Variants in COPG2 observed in about 807,000 individuals in gnomAD.
The protein encoded by COPG2 is coat protein complex I subunit gamma 2.
A neutral mutation model predicts 46.3 loss-of-function variants in COPG2; 37 were observed. The observed-to-expected ratio is 0.80, with a 90% confidence interval of 0.61 to 1.05. The LOEUF is 1.05. Ranked by LOEUF, COPG2 falls within the 50% of genes least tolerant of loss-of-function variation. The probability of loss-of-function intolerance (pLI) is 0.00; values close to 1 mark genes in which losing one functional copy is unlikely to be tolerated. For missense variants in COPG2, 427 were observed against 387.8 expected, an observed-to-expected ratio of 1.10 and a Z score of -0.85; for synonymous variants, 159 against 129.7, an observed-to-expected ratio of 1.23 and a Z score of -1.53.
At chr7:130,630,855 A>G (rs920007016) in intron 5 of COPG2, among the ~76,000 whole-genome samples, 2 of 152,188 alleles carry the variant, frequency 1.3e-5, no homozygotes, top group Admixed American at 1.3e-4. Context: ...TTTTATAGGC[A>G]GCATAAAGTT....
At chr7:130,632,898 C>T (rs533893696) in intron 5 of COPG2, among the ~76,000 whole-genome samples, 7 of 152,176 alleles carry the variant, frequency 4.6e-5, no homozygotes, top group African/African-American at 1.4e-4. Context: ...TCCTCTAGCC[C>T]CCCACCCCGA....
At chr7:130,575,396 C>G (rs1251720687) in intron 9 of COPG2, among the ~76,000 whole-genome samples, 1 of 152,146 alleles carries the variant, frequency 6.6e-6, no homozygotes, top group Non-Finnish European at 1.5e-5. Context: ...TGGGTCCTAT[C>G]TTCAGTCTCC....
chr7:130,523,209 C>T (rs1327880036), intron 20 of COPG2, among the ~76,000 whole-genome samples: 1 of 149,534 alleles, frequency 6.7e-6, no homozygotes, highest in Non-Finnish European at 1.5e-5. Context: ...GGTGGCTGTC[C>T]ACATCAGTGA....
intron 5 of COPG2, among the ~76,000 whole-genome samples, chr7:130,644,988 G>C (rs550908567): frequency 6.6e-6 from 1 of 151,400 alleles, no homozygotes; most frequent in East Asian, 1.9e-4. Context: ...CTTGAACCCA[G>C]GAGGCAGAGA....
At chr7:130,532,230 G>A (rs1799833473) in intron 20 of COPG2, among the ~76,000 whole-genome samples, 1 of 152,196 alleles carries the variant, frequency 6.6e-6, no homozygotes, top group Non-Finnish European at 1.5e-5. Flanking sequence ...AAAGGCAATG[G>A]GACCACGGTG....
At position 130,586,234 on chromosome 7, in the gene COPG2, G is replaced by T. The variant is rs189289121; in HGVS notation, c.738-21841C>A. ...ACTCAGGAATTGAAAACCAAACATT[G>T]TATGTTCTCACTTAAATTAGGAGCT... On this transcript the variant is annotated intron_variant, in intron 9 of 23. Transcript: ENST00000425248. 6.1e-4 allele frequency among the ~76,000 whole-genome samples: 93 copies of T among 152,084 alleles called. 1 individual carries two copies. The highest frequency in any genetic ancestry group is 3.5e-3 in the Admixed American group (54 of 15,236).
At chr7:130,544,957 A>G (rs1392144692) in intron 20 of COPG2, among the ~76,000 whole-genome samples, 2 of 152,274 alleles carry the variant, frequency 1.3e-5, no homozygotes, top group East Asian at 3.9e-4. Context: ...ATTTTTATAC[A>G]TTTATAAAGT....
intron 5 of COPG2, among the ~76,000 whole-genome samples, chr7:130,636,291 C>T (rs1160376593): frequency 3.3e-5 from 5 of 152,080 alleles, no homozygotes. Context: ...CTGTCTAATA[C>T]TGACAGTGGG....
At chr7:130,634,461 G>T (rs1248940011) in intron 5 of COPG2, among the ~76,000 whole-genome samples, 3 of 152,016 alleles carry the variant, frequency 2.0e-5, no homozygotes, top group African/African-American at 7.2e-5. Context: ...GAATTCCTAG[G>T]TATTTTATTC....
At chr7:130,637,361 A>G (rs1795360924) in intron 5 of COPG2, among the ~76,000 whole-genome samples, 1 of 152,200 alleles carries the variant, frequency 6.6e-6, no homozygotes, top group Non-Finnish European at 1.5e-5. Flanking sequence ...CAGGTACGCC[A>G]ATCAAACGTA....
At chr7:130,518,899 G>A (rs1489035977) in intron 20 of COPG2, among the ~76,000 whole-genome samples, 17 of 151,854 alleles carry the variant, frequency 1.1e-4, no homozygotes, top group South Asian at 2.1e-4. Context: ...CCAGCTACTC[G>A]GGAGGCTGAG....
chr7:130,516,609 T>C (rs1799680384), intron 20 of COPG2, among the ~76,000 whole-genome samples: 3 of 151,524 alleles, frequency 2.0e-5, no homozygotes, highest in Middle Eastern at 6.8e-3. Context: ...GTGAATGAGG[T>C]AGGGGGCAGA....
intron 20 of COPG2, chr7:130,509,149 G>C (rs140215424): frequency 2.2e-4 from 98 of 444,076 alleles, no homozygotes; most frequent in African/African-American, 1.9e-3. Flanking sequence ...CGGGTCCACA[G>C]ATCACCAGAG....
intron 20 of COPG2, among the ~76,000 whole-genome samples, chr7:130,527,236 C>G: frequency 6.6e-6 from 1 of 151,438 alleles, no homozygotes; most frequent in South Asian, 2.1e-4. Context: ...ATCTCTCATA[C>G]AGAGTGGATT....
At chr7:130,527,850 A>C (rs1259115457) in intron 20 of COPG2, among the ~76,000 whole-genome samples, 1 of 152,122 alleles carries the variant, frequency 6.6e-6, no homozygotes, top group Admixed American at 6.5e-5. Context: ...TGAAAAGGCA[A>C]TGGGACCACG....
chr7:130,586,885 G>T (rs1375949617), intron 9 of COPG2, among the ~76,000 whole-genome samples: 2 of 151,960 alleles, frequency 1.3e-5, no homozygotes, highest in African/African-American at 4.8e-5. Flanking sequence ...AACTATGATT[G>T]ATTAGAACCA....
At chr7:130,529,480 G>A (rs1482428318) in intron 20 of COPG2, among the ~76,000 whole-genome samples, 1 of 152,154 alleles carries the variant, frequency 6.6e-6, no homozygotes. Flanking sequence ...ATGAATTTGA[G>A]GGTCTCAACA....
At chr7:130,594,552 A>G (rs888581112) in intron 9 of COPG2, among the ~76,000 whole-genome samples, 21 of 152,350 alleles carry the variant, frequency 1.4e-4, no homozygotes, top group Admixed American at 8.5e-4. Context: ...AAAGAACACT[A>G]TATCAAGAAA....
chr7:130,652,985 T>C (rs782048097), intron 4 of COPG2, 37 bp from the exon 5 acceptor site: 4 of 1,363,958 alleles, frequency 2.9e-6, no homozygotes, highest in South Asian at 2.5e-5. Context: ...AGATTATTGA[T>C]TAGGAAATGG....
Sources: gnomAD v4.1 joint callset for allele counts (sites outside exome capture counted in the v4.1 genomes callset) on GRCh38, gnomAD v4.1.1 for gene constraint, MANE v1.5 for transcripts, NCBI Gene and HGNC (gene_info 2026-07-23, HGNC 2026-07-21) for gene names.